Variants in RHBDD2 observed in about 807,000 individuals in gnomAD.
The protein encoded by RHBDD2 is rhomboid domain containing 2, also known as rhomboid domain-containing protein 2.
RHBDD2 carries 13 observed loss-of-function variants against 21.7 expected under a neutral mutation model. The ratio of observed to expected loss-of-function variants is 0.60; its 90% CI spans 0.39 to 0.95. The LOEUF is 0.95. Among genes scored for constraint, RHBDD2 ranks in the 40% least tolerant of loss-of-function variants. The pLI, the probability that RHBDD2 is intolerant of heterozygous loss-of-function variation, is 0.00. For synonymous variants in RHBDD2, 225 were observed against 220.0 expected, an observed-to-expected ratio of 1.02 and a Z score of -0.20; for missense variants, 473 against 478.9, an observed-to-expected ratio of 0.99 and a Z score of 0.11.
At chr7:75,881,339 G>C in intron 1 of RHBDD2, 1 of 1,289,450 alleles carries the variant, frequency 7.8e-7, no homozygotes, top group Non-Finnish European at 1.0e-6. Flanking sequence ...AATAATTCAT[G>C]GTCCCTTTTT....
intron 3 of RHBDD2, among the ~76,000 whole-genome samples, chr7:75,886,947 T>C (rs1451990534): frequency 6.6e-6 from 1 of 152,156 alleles, no homozygotes; most frequent in Admixed American, 6.6e-5. Context: ...ATGGTGTTCC[T>C]TCTGTGTTCC....
At chr7:75,887,960 G>A (rs781900004) in intron 3 of RHBDD2, 32 bp from the exon 4 acceptor site, 4 of 1,579,014 alleles carry the variant, frequency 2.5e-6, no homozygotes, top group Middle Eastern at 1.7e-4. Flanking sequence ...AAGACTCGCT[G>A]AAGGACCATT....
At position 75,888,462 on chromosome 7, in the gene RHBDD2, T is replaced by C; in HGVS notation, c.*113T>C. On this transcript the variant is annotated 3_prime_UTR_variant, in exon 4 of 4. Transcript: ENST00000006777. ...ATGTGCCAGGCTCTGTGTTGGGTAC[T>C]TTGATCAATGCCCCTGTTTCAGTCT... 1.2e-6 allele frequency: 1 copy of C among 842,812 alleles called. No homozygotes were observed. Among genetic ancestry groups the C allele is most frequent in the African/African-American group, 1.7e-5 (1 of 59,804 alleles). The allele number at this position is 842,812 out of a possible 1,614,324, so 52.2% of individuals were successfully genotyped here.
At chr7:75,882,312 G>A (rs1408731855) in intron 2 of RHBDD2, 76 bp downstream of exon 2, 3 of 1,353,280 alleles carry the variant, frequency 2.2e-6, no homozygotes, top group Non-Finnish European at 3.0e-6. Context: ...GGGGTGTCAA[G>A]TAGATAAAAT....
intron 2 of RHBDD2, 102 bp downstream of exon 2, chr7:75,882,338 T>A (rs1049387450): frequency 8.7e-7 from 1 of 1,143,070 alleles, no homozygotes; most frequent in South Asian, 1.7e-5. Context: ...TTACTTTGTA[T>A]TTTTTCGAAA....
chr7:75,888,398 T>G lies in RHBDD2; in HGVS notation c.*49T>G, dbSNP rs782575229. On this transcript the variant is annotated 3_prime_UTR_variant, in exon 4 of 4. Coordinates refer to ENST00000006777, the MANE Select transcript of RHBDD2 (RefSeq NM_001040456.3). The stretch of plus-strand genomic sequence containing the variant: ...CACTTGGCCTTCTGAAGGTCCTCCC[T>G]AAGAGTCTCCTGACAAAAGTTACTT... 6.8e-7 allele frequency: 1 copy of G among 1,464,976 alleles called. No homozygotes were observed. Among genetic ancestry groups the G allele is most frequent in the South Asian group, 1.2e-5 (1 of 85,998 alleles). The allele number at this position is 1,464,976 out of a possible 1,614,324, so 90.7% of individuals were successfully genotyped here.
chr7:75,884,215 GTTTTTTTATTCT>G (rs1805514373), intron 3 of RHBDD2, among the ~76,000 whole-genome samples: 1 of 151,860 alleles, frequency 6.6e-6, no homozygotes, highest in Non-Finnish European at 1.5e-5. Context: ...ATCTTATTCT[GTTTTTTTATTCT>G]TTTTTTTATT....
At chr7:75,883,899 TA>T (rs782607573) in intron 3 of RHBDD2, 51 bp downstream of exon 3, 19 of 1,456,340 alleles carry the variant, frequency 1.3e-5, no homozygotes, top group Middle Eastern at 2.2e-4. Context: ...AAAAAAAAAT[TA>T]TTTTTTTTTT....
chr7:75,888,444 A>AGGCTCTGTGTTG lies in RHBDD2; in HGVS notation c.*98_*109dup, dbSNP rs782156517. 1 of 994,954 alleles carries AGGCTCTGTGTTG rather than the reference A, an allele frequency of 1.0e-6. No homozygotes were observed. Among genetic ancestry groups the AGGCTCTGTGTTG allele is most frequent in the African/African-American group, 1.6e-5 (1 of 62,888 alleles). 61.6% of individuals were successfully genotyped at this position (994,954 alleles called of 1,614,324 possible). A position where few individuals can be genotyped will look rare whatever the true frequency, so the allele number is the denominator to read the frequency against. ...TACTTATTGAACACCTCTATGTGCC[A>AGGCTCTGTGTTG]GGCTCTGTGTTGGGTACTTTGATCA... On this transcript the variant is annotated 3_prime_UTR_variant, in exon 4 of 4. Transcript: ENST00000006777.
At chr7:75,880,518 T>C (rs1805260710) in intron 1 of RHBDD2, among the ~76,000 whole-genome samples, 1 of 152,128 alleles carries the variant, frequency 6.6e-6, no homozygotes, top group Non-Finnish European at 1.5e-5. Context: ...AAGTCCTCAA[T>C]CTAACTCTTG....
chr7:75,885,981 C>G (rs1407726725), intron 3 of RHBDD2, among the ~76,000 whole-genome samples: 1 of 152,174 alleles, frequency 6.6e-6, no homozygotes, highest in Admixed American at 6.5e-5. Context: ...ATTCTCCTGT[C>G]TCAGCCTCCC....
At position 75,881,965 on chromosome 7, in the gene RHBDD2, C is replaced by T; in HGVS notation, c.315C>T (p.Ile105=). 6.2e-7 allele frequency: 1 copy of T among 1,614,244 alleles called. No individual in the cohort carries two copies. Among genetic ancestry groups the T allele is most frequent in the Non-Finnish European group, 8.5e-7 (1 of 1,180,044 alleles). The change falls in exon 2 of 4, where the codon ATC becomes ATT. Residue 105 remains isoleucine (I), a synonymous_variant. Coordinates refer to ENST00000006777, the MANE Select transcript of RHBDD2 (RefSeq NM_001040456.3). ...GTVRHCFFTV[I]FAIFSAIIFL... is the part of the protein sequence containing the mutation. Reference sequence around the variant, plus strand: ...TCCGCCACTGCTTCTTCACCGTGATCTTCGCCATCTTCTCCGCTATCATCT... The same window carrying T: ...TCCGCCACTGCTTCTTCACCGTGATTTTCGCCATCTTCTCCGCTATCATCT...
rs1554544628 is a variant in RHBDD2, at chr7:75,888,474, C to G, written c.*125C>G. 1 of 778,296 alleles carries G rather than the reference C, an allele frequency of 1.3e-6. No homozygotes were observed. The highest frequency in any genetic ancestry group is 2.5e-5 in the East Asian group (1 of 39,612). 48.2% of individuals were successfully genotyped at this position (778,296 alleles called of 1,614,324 possible). ...CTGTGTTGGGTACTTTGATCAATGC[C>G]CCTGTTTCAGTCTCATCTGTACTCA... On this transcript the variant is annotated 3_prime_UTR_variant, in exon 4 of 4. Transcript: ENST00000006777.
In RHBDD2 at chr7:75,879,123, G is replaced by C. The variant is rs1554541947; in HGVS notation, c.41G>C (p.Cys14Ser). ...CCCGGGTGTCGCAGCTGGTGCTTGT[G>C]TCCCGAGGTGCCATCCGCCACCTTC... ...SGPGCRSWCL[C>S]PEVPSATFFT... Residue 14 changes from cysteine (C) to serine (S), a missense_variant, in exon 1 of 4, where the codon TGT (cysteine) becomes TCT (serine). Cys to Ser is a moderately radical substitution (Grantham distance 112, BLOSUM62 -1). Coordinates refer to ENST00000006777, the MANE Select transcript of RHBDD2 (RefSeq NM_001040456.3). 1 of 1,421,378 alleles carries C rather than the reference G, an allele frequency of 7.0e-7. No homozygotes were observed. Among genetic ancestry groups the C allele is most frequent in the Non-Finnish European group, 9.3e-7 (1 of 1,078,966 alleles). 88.0% of individuals were successfully genotyped at this position (1,421,378 alleles called of 1,614,324 possible). A position where few individuals can be genotyped will look rare whatever the true frequency, so the allele number is the denominator to read the frequency against.
chr7:75,888,891 G>C lies in RHBDD2; in HGVS notation c.*542G>C, dbSNP rs1355371732. 6.4e-6 allele frequency: 1 copy of C among 157,068 alleles called. No individual in the cohort carries two copies. The highest frequency in any genetic ancestry group is 6.2e-5 in the Admixed American group (1 of 16,050). The allele number at this position is 157,068 out of a possible 1,614,324, so 9.7% of individuals were successfully genotyped here. On this transcript the variant is annotated 3_prime_UTR_variant, in exon 4 of 4. Transcript: ENST00000006777. ...AGCAGCATGCTGAGGTGTCCATGTT[G>C]TCTGCCTTTGTATAAAGAAACAGCC...
Position 75,881,952 on chromosome 7 carries a change from T to G in RHBDD2, c.302T>G (p.Phe101Cys), listed in dbSNP as rs782242747. 3.7e-6 allele frequency: 6 copies of G among 1,614,138 alleles called. No individual in the cohort carries two copies. The highest frequency in any genetic ancestry group is 2.7e-5 in the African/African-American group (2 of 74,944). ...ERTVGTVRHC[F>C]FTVIFAIFSA... ...ACCGTGGGCACCGTCCGCCACTGCT[T>G]CTTCACCGTGATCTTCGCCATCTTC... Residue 101 changes from phenylalanine to cysteine, a missense_variant, in exon 2 of 4, where the codon TTC (phenylalanine) becomes TGC (cysteine). Transcript: ENST00000006777.
intron 1 of RHBDD2, among the ~76,000 whole-genome samples, chr7:75,881,138 GC>G (rs1447710065): frequency 6.6e-6 from 1 of 152,136 alleles, no homozygotes; most frequent in African/African-American, 2.4e-5. Context: ...TTCAAGGCTA[GC>G]CTGGGCAACG....
At position 75,883,719 on chromosome 7, in the gene RHBDD2, C is replaced by G; in HGVS notation, c.608C>G (p.Ser203Cys). The change falls in exon 3 of 4, where the codon TCC becomes TGC. Residue 203 changes from serine (S) to cysteine (C), a missense_variant. By Grantham distance (112) the Ser-to-Cys change is moderately radical. Transcript: ENST00000006777. ...TCAGATGGCCTCACCTACTGCTATT[C>G]CATCGACCTCTCAGAGCGAGTGGCA... Reference protein sequence around the residue: ...GLAYGLTYCYSIDLSERVALK... With the variant: ...GLAYGLTYCYCIDLSERVALK... 6.2e-7 allele frequency: 1 copy of G among 1,613,642 alleles called. No homozygotes were observed. Among genetic ancestry groups the G allele is most frequent in the Non-Finnish European group, 8.5e-7 (1 of 1,179,826 alleles).
At chr7:75,881,713 G>A in intron 1 of RHBDD2, 116 bp from the exon 2 acceptor site, 1 of 1,111,182 alleles carries the variant, frequency 9.0e-7, no homozygotes, top group African/African-American at 1.6e-5. Flanking sequence ...GCGACTCACT[G>A]GCTCTCACTT....
Sources: gnomAD v4.1 joint callset for allele counts (sites outside exome capture counted in the v4.1 genomes callset) on GRCh38, gnomAD v4.1.1 for gene constraint, MANE v1.5 for transcripts, NCBI Gene and HGNC (gene_info 2026-07-23, HGNC 2026-07-21) for gene names.